ANKRD29: variants seen among roughly 807,000 people sequenced by gnomAD.
ANKRD29 encodes the protein ankyrin repeat domain-containing protein 29.
In ANKRD29, 32 loss-of-function variants were observed where a neutral mutation model predicts 38.0. The observed-to-expected ratio is 0.84, with a 90% confidence interval of 0.64 to 1.13. ANKRD29 has a LOEUF of 1.13. Among genes scored for constraint, ANKRD29 ranks in the 50% most tolerant of loss-of-function variants. The pLI is 0.00. For missense variants in ANKRD29, 357 were observed against 377.9 expected (o/e 0.94, Z 0.46); for synonymous variants, 135 against 152.4 (o/e 0.89, Z 0.84).
intron 6 of ANKRD29, among the ~76,000 whole-genome samples, chr18:23,620,814 C>G (rs1440325910): frequency 6.6e-6 from 1 of 152,142 alleles, no homozygotes; most frequent in Non-Finnish European, 1.5e-5. Context: ...CCACATCCAC[C>G]TAGCACCTAG....
At chr18:23,602,360 G>C (rs1247676990) in intron 9 of ANKRD29, among the ~76,000 whole-genome samples, 2 of 152,104 alleles carry the variant, frequency 1.3e-5, no homozygotes, top group African/African-American at 4.8e-5. Context: ...TGAGAAGGCA[G>C]AGATAGGAAA....
intron 1 of ANKRD29, among the ~76,000 whole-genome samples, chr18:23,660,029 T>C (rs1192891430): frequency 1.3e-5 from 2 of 152,076 alleles, no homozygotes; most frequent in Admixed American, 6.5e-5. Flanking sequence ...GAGAATTGCT[T>C]GAGCCCGGGA....
intron 6 of ANKRD29, among the ~76,000 whole-genome samples, chr18:23,626,758 C>G (rs2059867115): frequency 6.6e-6 from 1 of 152,206 alleles, no homozygotes; most frequent in African/African-American, 2.4e-5. Flanking sequence ...AGTCATCCCA[C>G]TACCGTTCAG....
chr18:23,638,154 C>A (rs186006439), intron 4 of ANKRD29, among the ~76,000 whole-genome samples: 1 of 151,914 alleles, frequency 6.6e-6, no homozygotes, highest in South Asian at 2.1e-4. Flanking sequence ...TGTGCCATCA[C>A]GCCTGGCTAA....
intron 9 of ANKRD29, among the ~76,000 whole-genome samples, chr18:23,605,595 C>T (rs906595082): frequency 1.3e-5 from 2 of 151,872 alleles, no homozygotes; most frequent in African/African-American, 2.4e-5. Context: ...GGTGAGGTCT[C>T]GGCTCACTGC....
At chr18:23,612,286 AC>A (rs1185318337) in intron 8 of ANKRD29, 96 bp from the exon 9 acceptor site, 10 of 1,087,184 alleles carry the variant, frequency 9.2e-6, no homozygotes, top group Non-Finnish European at 6.7e-6. Flanking sequence ...TAAGACTGTA[AC>A]CTCATACCCG....
At chr18:23,630,440 C>A (rs1241968184) in intron 5 of ANKRD29, among the ~76,000 whole-genome samples, 5 of 144,202 alleles carry the variant, frequency 3.5e-5, no homozygotes, top group Non-Finnish European at 6.2e-5. Context: ...AACAAAAAAT[C>A]AAAAAACAAA....
Position 23,601,132 on chromosome 18 carries a change from T to G in ANKRD29, c.*94A>C. The stretch of plus-strand genomic sequence containing the variant: ...GATGGGCATTCTGGGCATCTTTTTT[T>G]TTCATAAAAGAATTTCCAACACTGC... On this transcript the variant is annotated 3_prime_UTR_variant, in exon 10 of 10. Transcript: ENST00000592179. The G allele has an allele frequency of 1.7e-6, 2 of 1,176,664 alleles. No homozygotes were observed. Among genetic ancestry groups the G allele is most frequent in the Non-Finnish European group, 2.4e-6 (2 of 820,368 alleles). The allele number at this position is 1,176,664 out of a possible 1,614,324, so 72.9% of individuals were successfully genotyped here.
chr18:23,612,538 C>A (rs984400919), intron 8 of ANKRD29, among the ~76,000 whole-genome samples: 6 of 152,194 alleles, frequency 3.9e-5, no homozygotes, highest in African/African-American at 1.4e-4. Context: ...AAGGACAACA[C>A]GTAAGGACAA....
At chr18:23,662,595 C>A (rs541550370) in intron 1 of ANKRD29, 115 bp downstream of exon 1, 11 of 931,820 alleles carry the variant, frequency 1.2e-5, no homozygotes, top group South Asian at 1.1e-4. Flanking sequence ...AAGGAGGAGG[C>A]GGCGGGCAGC....
chr18:23,635,206 C>T (rs2059987096), intron 4 of ANKRD29, among the ~76,000 whole-genome samples: 1 of 151,372 alleles, frequency 6.6e-6, no homozygotes, highest in African/African-American at 2.4e-5. Flanking sequence ...GAAGTGGAGG[C>T]TGCAGTGAGC....
At chr18:23,604,678 G>A (rs996347483) in intron 9 of ANKRD29, among the ~76,000 whole-genome samples, 5 of 151,908 alleles carry the variant, frequency 3.3e-5, no homozygotes, top group Admixed American at 6.6e-5. Flanking sequence ...CTACAGGAAC[G>A]TGCCACCACA....
chr18:23,634,060 G>A lies in ANKRD29; in HGVS notation c.420C>T (p.Asp140=), dbSNP rs764454385. 7 of 1,614,118 alleles carry A rather than the reference G, an allele frequency of 4.3e-6. No homozygotes were observed. The highest frequency in any genetic ancestry group is 3.4e-6 in the Non-Finnish European group (4 of 1,180,000). ...TLLKHGANIH[D]QLYDGATALF... ...CCTGAAATGCACTCACATAAAGTTG[G>A]TCATGGATGTTTGCTCCGTGCTTCA... The change falls in exon 5 of 10, where the codon GAC becomes GAT. Residue 140 remains aspartate (D), a synonymous_variant. Transcript: ENST00000592179.
intron 8 of ANKRD29, 27 bp downstream of exon 8, chr18:23,617,705 T>C: frequency 6.3e-7 from 1 of 1,585,294 alleles, no homozygotes. Context: ...CTCTTACAGA[T>C]TAGTAAAATT....
At chr18:23,629,244 C>T (rs2059899605) in intron 6 of ANKRD29, among the ~76,000 whole-genome samples, 1 of 152,280 alleles carries the variant, frequency 6.6e-6, no homozygotes, top group African/African-American at 2.4e-5. Context: ...CTCGGCCTCC[C>T]AGGGTGCTGG....
In ANKRD29 at chr18:23,645,931, TA is replaced by T. The variant is rs144580129; in HGVS notation, c.231+257del. On this transcript the variant is annotated intron_variant, in intron 3 of 9. Coordinates refer to ENST00000592179, the MANE Select transcript of ANKRD29 (RefSeq NM_173505.4). Reference sequence around the variant, plus strand: ...TAATAAAGAACTGATTTAAGCTTGATAAAAAAAAAAGTGTGAGTGTTTATAG... The same window carrying T: ...TAATAAAGAACTGATTTAAGCTTGATAAAAAAAAAGTGTGAGTGTTTATAG... 2.9e-3 allele frequency among the ~76,000 whole-genome samples: 432 copies of T among 148,722 alleles called. 17 individuals are homozygous for T. In the East Asian group the frequency reaches 0.058, roughly 20 times the overall value.
rs544897053 is a variant in ANKRD29, at chr18:23,617,753, T to C, written c.702A>G (p.Ser234=). Residue 234 remains serine (S), a synonymous_variant, in exon 8 of 10, where the codon TCA becomes TCG. Coordinates refer to ENST00000592179, the MANE Select transcript of ANKRD29 (RefSeq NM_173505.4). The part of the protein sequence containing the change: ...NDVIKELLKF[S]PTLGILKNGT... ...TTACCTTCAAAATACCAAGAGTGGG[T>C]GAGAATTTAAGCAACTCTTTTATGA... 9 of 1,613,876 alleles carry C rather than the reference T, an allele frequency of 5.6e-6. No individual in the cohort carries two copies. In the African/African-American group the frequency reaches 9.3e-5, roughly 17 times the overall value.
intron 1 of ANKRD29, among the ~76,000 whole-genome samples, chr18:23,658,579 G>C (rs1220000528): frequency 1.3e-5 from 2 of 152,316 alleles, no homozygotes; most frequent in East Asian, 3.9e-4. Context: ...TTTGGGGACT[G>C]TTGGGATGGA....
In ANKRD29 at chr18:23,621,315, G is replaced by T. The variant is rs1037584566; in HGVS notation, c.529-1686C>A. 2.6e-5 allele frequency among the ~76,000 whole-genome samples: 4 copies of T among 152,312 alleles called. No homozygotes were observed. The East Asian group carries it at 7.7e-4, about 29-fold the overall frequency. Reference sequence around the variant, plus strand: ...AGCCTACTAGCAGAAGCAGGCACAAGATTGTTGCCCACTGCTGTCCCAGGA... The same window carrying T: ...AGCCTACTAGCAGAAGCAGGCACAATATTGTTGCCCACTGCTGTCCCAGGA... On this transcript the variant is annotated intron_variant, in intron 6 of 9. Coordinates refer to ENST00000592179, the MANE Select transcript of ANKRD29 (RefSeq NM_173505.4).
Sources: allele counts gnomAD v4.1 joint callset (sites outside exome capture counted in the v4.1 genomes callset), GRCh38; gene constraint gnomAD v4.1.1; transcripts MANE v1.5; gene names NCBI Gene and HGNC (gene_info 2026-07-23, HGNC 2026-07-21).